The following EXOC6B variants were observed in gnomAD, a reference collection of about 807,000 sequenced individuals.
EXOC6B encodes SEC15 homolog B.
Under a neutral mutation model 113.5 loss-of-function variants are expected in EXOC6B, and 54 were observed. The observed-to-expected ratio is 0.48, with a 90% CI of 0.38 to 0.60. EXOC6B has a LOEUF of 0.60. Ranked by LOEUF, EXOC6B falls within the 20% of genes least tolerant of loss-of-function variation. EXOC6B has a pLI of 0.00. For synonymous variants in EXOC6B, 357 were observed against 339.0 expected (o/e 1.05, Z -0.58); for missense variants, 797 against 977.5 (o/e 0.82, Z 2.46).
intron 1 of EXOC6B, among the ~76,000 whole-genome samples, chr2:72,770,873 C>A (rs1006805831): frequency 1.3e-5 from 2 of 152,002 alleles, no homozygotes; most frequent in African/African-American, 4.8e-5. Context: ...AACAAAAATA[C>A]AATTTTTTAA....
intron 17 of EXOC6B, among the ~76,000 whole-genome samples, chr2:72,478,761 T>C (rs562323711): frequency 6.6e-6 from 1 of 152,230 alleles, no homozygotes; most frequent in Non-Finnish European, 1.5e-5. Flanking sequence ...TTGAGACTGG[T>C]TGAGAGAAAG....
At chr2:72,335,307 A>G (rs926041500) in intron 19 of EXOC6B, 9 of 275,688 alleles carry the variant, frequency 3.3e-5, no homozygotes, top group Non-Finnish European at 6.2e-5. Context: ...GAATGGACAA[A>G]CAACTTGCAA....
chr2:72,507,892 G>A (rs575114370), intron 11 of EXOC6B, among the ~76,000 whole-genome samples: 8 of 150,704 alleles, frequency 5.3e-5, no homozygotes, highest in East Asian at 3.9e-4. Flanking sequence ...TTTTTGTACT[G>A]CGAGATTTAG....
At chr2:72,811,711 T>G (rs1217339745) in intron 1 of EXOC6B, among the ~76,000 whole-genome samples, 2 of 152,088 alleles carry the variant, frequency 1.3e-5, no homozygotes, top group African/African-American at 2.4e-5. Flanking sequence ...TAAAAAGAAG[T>G]GTATACAATG....
intron 19 of EXOC6B, among the ~76,000 whole-genome samples, chr2:72,376,663 A>G (rs369011926): frequency 6.6e-6 from 1 of 152,126 alleles, no homozygotes; most frequent in East Asian, 1.9e-4. Flanking sequence ...TTATCTTTTA[A>G]ATTACTGACT....
chr2:72,742,541 C>T (rs753122295), intron 1 of EXOC6B, among the ~76,000 whole-genome samples: 37 of 152,132 alleles, frequency 2.4e-4, no homozygotes, highest in Non-Finnish European at 1.6e-4. Flanking sequence ...TCCACTTCCT[C>T]ACTTCTTTGC....
chr2:72,362,604 G>A (rs1017339639), intron 19 of EXOC6B, among the ~76,000 whole-genome samples: 4 of 152,094 alleles, frequency 2.6e-5, no homozygotes, highest in Non-Finnish European at 4.4e-5. Context: ...GCTCAGAGAG[G>A]TTAAATGAAT....
At chr2:72,426,475 T>A (rs889566950) in intron 18 of EXOC6B, among the ~76,000 whole-genome samples, 21 of 152,214 alleles carry the variant, frequency 1.4e-4, no homozygotes, top group Admixed American at 9.2e-4. Context: ...CATATACAGG[T>A]CTGAAGTTGA....
Position 72,417,739 on chromosome 2 carries a change from T to C in EXOC6B, c.1981-37869A>G, listed in dbSNP as rs562148214. Among the ~76,000 whole-genome samples, 193 of 152,320 alleles carry C rather than the reference T, an allele frequency of 1.3e-3. 1 individual carries two copies. In the Middle Eastern group the frequency reaches 0.017, roughly 13 times the overall value. On this transcript the variant is annotated intron_variant, in intron 18 of 21. Transcript: ENST00000272427. ...ATCCTCCTGGTGTGTTGTACATTTTTATGGTATGATATATAACTCCCTTAT... is the reference window on the plus strand; with the variant it reads ...ATCCTCCTGGTGTGTTGTACATTTTCATGGTATGATATATAACTCCCTTAT...
chr2:72,317,611 AATG>A (rs957780553), intron 20 of EXOC6B, among the ~76,000 whole-genome samples: 2 of 151,044 alleles, frequency 1.3e-5, no homozygotes, highest in Admixed American at 1.3e-4. Context: ...TGTATTGACA[AATG>A]ATAAGAATGA....
intron 1 of EXOC6B, among the ~76,000 whole-genome samples, chr2:72,765,502 C>T (rs1433406295): frequency 2.0e-5 from 3 of 151,854 alleles, no homozygotes; most frequent in African/African-American, 7.3e-5. Flanking sequence ...GTGAAACCCC[C>T]CTCTCTACTA....
intron 20 of EXOC6B, among the ~76,000 whole-genome samples, chr2:72,190,815 G>A (rs531373135): frequency 6.3e-4 from 96 of 152,244 alleles, no homozygotes; most frequent in Non-Finnish European, 1.1e-3. Flanking sequence ...ATGAAAATGC[G>A]GTTTTTGTAA....
chr2:72,484,755 C>T (rs1346292053), intron 16 of EXOC6B, among the ~76,000 whole-genome samples: 3 of 152,028 alleles, frequency 2.0e-5, no homozygotes, highest in Non-Finnish European at 4.4e-5. Flanking sequence ...CCAGCTTCAT[C>T]CATGTCCCTG....
intron 20 of EXOC6B, among the ~76,000 whole-genome samples, chr2:72,214,824 T>C (rs1047274087): frequency 2.6e-5 from 4 of 152,174 alleles, no homozygotes; most frequent in Non-Finnish European, 5.9e-5. Flanking sequence ...TTCCAAAAGG[T>C]TGATGCTATG....
At chr2:72,287,883 G>C (rs756538820) in intron 20 of EXOC6B, among the ~76,000 whole-genome samples, 28 of 152,158 alleles carry the variant, frequency 1.8e-4, no homozygotes, top group Middle Eastern at 6.8e-3. Context: ...AAGAAGTAAG[G>C]CCAATCTTAC....
At chr2:72,565,022 C>G (rs1304748723) in intron 7 of EXOC6B, among the ~76,000 whole-genome samples, 1 of 152,108 alleles carries the variant, frequency 6.6e-6, no homozygotes, top group Non-Finnish European at 1.5e-5. Context: ...TGCCCAAAGT[C>G]AAAGGATAGT....
At chr2:72,424,176 A>G (rs904547807) in intron 18 of EXOC6B, among the ~76,000 whole-genome samples, 1 of 152,158 alleles carries the variant, frequency 6.6e-6, no homozygotes, top group East Asian at 1.9e-4. Context: ...ATATTACACA[A>G]TTCTTGATAA....
At chr2:72,678,118 C>T (rs1430612894) in intron 6 of EXOC6B, among the ~76,000 whole-genome samples, 1 of 152,216 alleles carries the variant, frequency 6.6e-6, no homozygotes, top group Non-Finnish European at 1.5e-5. Context: ...CAATGTATTG[C>T]ACATCCTGAG....
chr2:72,493,560 C>T (rs1255761744), intron 15 of EXOC6B, among the ~76,000 whole-genome samples: 1 of 151,694 alleles, frequency 6.6e-6, no homozygotes, highest in Non-Finnish European at 1.5e-5. Context: ...CGCCTGAATT[C>T]TTTAAAAACA....
Sources: allele counts gnomAD v4.1 joint callset (sites outside exome capture counted in the v4.1 genomes callset), GRCh38; gene constraint gnomAD v4.1.1; transcripts MANE v1.5; gene names NCBI Gene and HGNC (gene_info 2026-07-23, HGNC 2026-07-21).